Variants in KIF26B observed in about 807,000 individuals in gnomAD.
KIF26B encodes the protein kinesin-like protein KIF26B.
Under a neutral mutation model 151.2 loss-of-function variants are expected in KIF26B, and 63 were observed. The ratio of observed to expected loss-of-function variants is 0.42; its 90% CI spans 0.34 to 0.51. The LOEUF (loss-of-function observed/expected upper bound fraction) is 0.51. KIF26B is among the 20% of genes least tolerant of loss of function. The pLI is 0.07. For synonymous variants in KIF26B, 1,357 were observed against 1,262.1 expected, an observed-to-expected ratio of 1.08 and a Z score of -1.59; for missense variants, 2,813 against 2,913.6, an observed-to-expected ratio of 0.97 and a Z score of 0.79.
In KIF26B at chr1:245,601,596, C is replaced by G. The variant is rs55882901; in HGVS notation, c.1351-981C>G. Among the ~76,000 whole-genome samples the G allele has an allele frequency of 6.6e-6, 1 of 152,178 alleles. No individual in the cohort carries two copies. The highest frequency in any genetic ancestry group is 1.5e-5 in the Non-Finnish European group (1 of 68,046). Reference sequence around the variant, plus strand: ...TAAAATTACCTGTATCTGTGTCTATCCTGCTACTCTATGCATTACATATCT... The same window carrying G: ...TAAAATTACCTGTATCTGTGTCTATGCTGCTACTCTATGCATTACATATCT... On this transcript the variant is annotated intron_variant, in intron 5 of 14. Transcript: ENST00000407071. The surrounding 1 kb of genome is among the most constrained non-coding windows in gnomAD (Gnocchi z 4.4).
chr1:245,240,832 G>T (rs1670201119), intron 2 of KIF26B, among the ~76,000 whole-genome samples: 4 of 152,032 alleles, frequency 2.6e-5, no homozygotes, highest in Non-Finnish European at 5.9e-5. Flanking sequence ...GGGCCAGGTG[G>T]CTCAGGGAGG....
intron 2 of KIF26B, among the ~76,000 whole-genome samples, chr1:245,248,341 C>T (rs1195562021): frequency 2.0e-5 from 3 of 152,150 alleles, no homozygotes; most frequent in East Asian, 1.9e-4. Flanking sequence ...GGCATGCCTC[C>T]GCCTGCCCGT....
intron 2 of KIF26B, among the ~76,000 whole-genome samples, chr1:245,345,400 G>A (rs967723525): frequency 1.3e-5 from 2 of 152,288 alleles, no homozygotes; most frequent in South Asian, 2.1e-4. Context: ...CTCCCAACAG[G>A]AAGCTGAGAC....
intron 4 of KIF26B, among the ~76,000 whole-genome samples, chr1:245,487,203 A>G (rs923091719): frequency 3.3e-5 from 5 of 152,182 alleles, no homozygotes; most frequent in African/African-American, 9.7e-5. Flanking sequence ...TCTTTCTGAC[A>G]TGGTCTTTTG....
At chr1:245,277,738 A>G (rs761983372) in intron 2 of KIF26B, among the ~76,000 whole-genome samples, 7 of 152,096 alleles carry the variant, frequency 4.6e-5, no homozygotes, top group African/African-American at 1.7e-4. Context: ...TTTTCTGCCA[A>G]TGCTCTTCTT....
At chr1:245,568,830 T>C (rs759431605) in intron 5 of KIF26B, among the ~76,000 whole-genome samples, 5 of 152,216 alleles carry the variant, frequency 3.3e-5, no homozygotes, top group Non-Finnish European at 5.9e-5. Context: ...TCTTTGAGAA[T>C]CTTAAAGCTT....
chr1:245,573,782 G>A (rs374481672), intron 5 of KIF26B, among the ~76,000 whole-genome samples: 2 of 152,140 alleles, frequency 1.3e-5, no homozygotes, highest in Admixed American at 6.5e-5. Context: ...AGAAAGTACC[G>A]AGCCCTGTAT....
At chr1:245,517,287 G>A (rs1350889248) in intron 4 of KIF26B, among the ~76,000 whole-genome samples, 4 of 152,042 alleles carry the variant, frequency 2.6e-5, no homozygotes, top group Non-Finnish European at 4.4e-5. Context: ...CCCAGAAGGC[G>A]GAGGTTGCAG....
chr1:245,210,565 G>A (rs1483645402), intron 2 of KIF26B, among the ~76,000 whole-genome samples: 4 of 145,018 alleles, frequency 2.8e-5, no homozygotes, highest in African/African-American at 7.6e-5. Flanking sequence ...TTTCCCCAAG[G>A]AGGAAAAAAC....
chr1:245,514,534 A>AAAT (rs550838732), intron 4 of KIF26B, among the ~76,000 whole-genome samples: 23 of 151,944 alleles, frequency 1.5e-4, no homozygotes, highest in South Asian at 1.2e-3. Flanking sequence ...TCCATCTCAA[A>AAAT]AATAATAATA....
At chr1:245,259,363 C>T (rs1397429004) in intron 2 of KIF26B, among the ~76,000 whole-genome samples, 2 of 152,114 alleles carry the variant, frequency 1.3e-5, no homozygotes, top group South Asian at 2.1e-4. Context: ...TCCCATTGGA[C>T]GGTGAGGACT....
chr1:245,260,173 T>G lies in KIF26B; in HGVS notation c.465+103490T>G, dbSNP rs143944923. On this transcript the variant is annotated intron_variant, in intron 2 of 14. Coordinates refer to ENST00000407071, the MANE Select transcript of KIF26B (RefSeq NM_018012.4). The stretch of plus-strand genomic sequence containing the variant: ...ATGGTGAGAAGCTGGACTCTCTCAG[T>G]GGGCTGTTTGCCTGCCCCTCCCTTC... Among the ~76,000 whole-genome samples, 727 of 152,236 alleles carry G rather than the reference T, an allele frequency of 4.8e-3. 3 individuals are homozygous for G. Among genetic ancestry groups the G allele is most frequent in the African/African-American group, 0.017 (696 of 41,548 alleles).
chr1:245,646,327 T>C, intron 10 of KIF26B, 47 bp downstream of exon 10: 1 of 1,591,170 alleles, frequency 6.3e-7, no homozygotes, highest in Non-Finnish European at 8.6e-7. Flanking sequence ...AAGCATGGTG[T>C]GGGACGCTTT....
In KIF26B at chr1:245,290,694, C is replaced by A. The variant is rs551555745; in HGVS notation, c.466-76140C>A. On this transcript the variant is annotated intron_variant, in intron 2 of 14. Transcript: ENST00000407071. ...TTTATGACCTGTATCTTGTGCCAAC[C>A]TCCTGTCTCATCCTGTGATTAAGAA... Among the ~76,000 whole-genome samples, 12 of 152,312 alleles carry A rather than the reference C, an allele frequency of 7.9e-5. No homozygotes were observed. In the East Asian group the frequency reaches 1.9e-3, roughly 25 times the overall value.
intron 3 of KIF26B, among the ~76,000 whole-genome samples, chr1:245,407,523 G>A (rs935891766): frequency 1.9e-4 from 28 of 150,160 alleles, no homozygotes; most frequent in Non-Finnish European, 7.4e-5. Context: ...TTTCTTCCCC[G>A]AATCCAGCAA....
chr1:245,289,482 T>C (rs1202387327), intron 2 of KIF26B, among the ~76,000 whole-genome samples: 1 of 152,176 alleles, frequency 6.6e-6, no homozygotes. Context: ...TGCACCCACT[T>C]TAATTAATTG....
At chr1:245,673,356 CCA>C in intron 10 of KIF26B, among the ~76,000 whole-genome samples, 1 of 112,770 alleles carries the variant, frequency 8.9e-6, no homozygotes, top group Non-Finnish European at 1.8e-5. Context: ...CTGCGCGCTG[CCA>C]TCTTAGGCCC....
chr1:245,410,183 C>G (rs1674242623), intron 3 of KIF26B, among the ~76,000 whole-genome samples: 1 of 152,206 alleles, frequency 6.6e-6, no homozygotes, highest in South Asian at 2.1e-4. Flanking sequence ...TCCTTCCCAT[C>G]CCAGTTCTTC....
rs1286458166 is a variant in KIF26B, at chr1:245,375,144, T to C, written c.999+7777T>C. The stretch of plus-strand genomic sequence containing the variant: ...CTCTGCCACCCAGGCTGGAGTGCAA[T>C]GGTGCGAGCTTGGCTCACTGCAACC... On this transcript the variant is annotated intron_variant, in intron 3 of 14. Coordinates refer to ENST00000407071, the MANE Select transcript of KIF26B (RefSeq NM_018012.4). The surrounding 1 kb of genome is among the most constrained non-coding windows in gnomAD (Gnocchi z 4.2). Among the ~76,000 whole-genome samples, 1 of 152,202 alleles carries C rather than the reference T, an allele frequency of 6.6e-6. No homozygotes were observed. Among genetic ancestry groups the C allele is most frequent in the East Asian group, 1.9e-4 (1 of 5,192 alleles).
Sources: allele counts gnomAD v4.1 joint callset (sites outside exome capture counted in the v4.1 genomes callset), GRCh38; gene constraint gnomAD v4.1.1; non-coding constraint Gnocchi (gnomAD v3.1); transcripts MANE v1.5; gene names NCBI Gene and HGNC (gene_info 2026-07-23, HGNC 2026-07-21).